WDPCP: variants seen among roughly 807,000 people sequenced by gnomAD.
WDPCP encodes WD repeat-containing and planar cell polarity effector protein fritz homolog.
WDPCP carries 71 observed loss-of-function variants against 93.1 expected under a neutral mutation model. The observed-to-expected ratio is 0.76, with a 90% CI of 0.63 to 0.93. The LOEUF (loss-of-function observed/expected upper bound fraction) is 0.93, where lower values mean the gene tolerates loss of function less well. Among genes scored for constraint, WDPCP ranks in the 40% least tolerant of loss-of-function variants. WDPCP has a pLI of 0.00. For synonymous variants in WDPCP, 315 were observed against 315.0 expected, an observed-to-expected ratio of 1.00 and a Z score of 0.00; for missense variants, 844 against 887.4, an observed-to-expected ratio of 0.95 and a Z score of 0.62.
intron 12 of WDPCP, among the ~76,000 whole-genome samples, chr2:63,316,939 T>C (rs1423191855): frequency 6.6e-6 from 1 of 152,096 alleles, no homozygotes; most frequent in Non-Finnish European, 1.5e-5. Flanking sequence ...TGCAATTCCA[T>C]TCACAATAGC....
chr2:63,754,518 G>C (rs1304480633), intron 2 of WDPCP, among the ~76,000 whole-genome samples: 1 of 152,222 alleles, frequency 6.6e-6, no homozygotes, highest in Non-Finnish European at 1.5e-5. Flanking sequence ...AGATGAATAA[G>C]ACTTGATGTA....
chr2:63,145,975 A>C (rs1276246147), intron 17 of WDPCP, among the ~76,000 whole-genome samples: 3 of 152,094 alleles, frequency 2.0e-5, no homozygotes, highest in African/African-American at 7.2e-5. Flanking sequence ...AACAATTGTG[A>C]ATGGGATTGT....
At chr2:63,259,884 G>T (rs1250440900) in intron 13 of WDPCP, among the ~76,000 whole-genome samples, 1 of 152,100 alleles carries the variant, frequency 6.6e-6, no homozygotes, top group Non-Finnish European at 1.5e-5. Context: ...TAATTGCTGG[G>T]CACTGTTTTG....
At position 63,727,246 on chromosome 2, in the gene WDPCP, T is replaced by C. The variant is rs531532482; in HGVS notation, n.309-76408A>G. On this transcript the variant is annotated intron_variant and non_coding_transcript_variant, in intron 2 of 4. Transcript: ENST00000467687. ...TTGATGCCTAGTTTGTTGAGGGTTT[T>C]TAACATAAAGGAATGTTGAATTTTA... 1.3e-4 allele frequency among the ~76,000 whole-genome samples: 20 copies of C among 152,334 alleles called. No homozygotes were observed. In the South Asian group the frequency reaches 3.9e-3, roughly 30 times the overall value.
At chr2:63,260,039 G>A (rs897596492) in intron 13 of WDPCP, among the ~76,000 whole-genome samples, 1 of 152,188 alleles carries the variant, frequency 6.6e-6, no homozygotes, top group Non-Finnish European at 1.5e-5. Context: ...AGCCAAAGAG[G>A]AGGAACTGAT....
At chr2:63,271,532 G>C (rs553610610) in intron 13 of WDPCP, among the ~76,000 whole-genome samples, 1 of 152,264 alleles carries the variant, frequency 6.6e-6, no homozygotes, top group East Asian at 1.9e-4. Context: ...ACACCATCTA[G>C]GGTCCTTGGG....
chr2:63,488,862 A>G (rs1438512031), intron 2 of WDPCP, among the ~76,000 whole-genome samples: 1 of 151,930 alleles, frequency 6.6e-6, no homozygotes, highest in African/African-American at 2.4e-5. Context: ...AGTCTGACCT[A>G]CTGCATCTGG....
At chr2:63,555,117 T>C (rs895762054) in intron 1 of WDPCP, among the ~76,000 whole-genome samples, 6 of 152,220 alleles carry the variant, frequency 3.9e-5, no homozygotes, top group Non-Finnish European at 8.8e-5. Flanking sequence ...GCGGCAGCCA[T>C]CATTGCAGCT....
chr2:63,788,585 A>T (rs1341996767), intron 2 of WDPCP, among the ~76,000 whole-genome samples: 1 of 152,222 alleles, frequency 6.6e-6, no homozygotes, highest in African/African-American at 2.4e-5. Flanking sequence ...TACTTGTATC[A>T]TTCATTATAA....
chr2:63,437,680 T>C (rs1697229643), intron 7 of WDPCP, 126 bp from the exon 8 acceptor site: 5 of 1,048,578 alleles, frequency 4.8e-6, no homozygotes, highest in Non-Finnish European at 6.8e-6. Context: ...CTCTTGAATA[T>C]CATTATAGCA....
chr2:63,177,919 A>T lies in WDPCP; in HGVS notation c.1916-3087T>A, dbSNP rs1673940692. ...TTCCTTACATCCTAGTTTGTTGAAC[A>T]TTTTTAGCATGAAAGAACATCAAAT... On this transcript the variant is annotated intron_variant, in intron 14 of 17. Transcript: ENST00000272321. Among the ~76,000 whole-genome samples the T allele has an allele frequency of 2.0e-5, 3 of 152,090 alleles. No individual in the cohort carries two copies. The South Asian group carries it at 6.2e-4, about 32-fold the overall frequency.
intron 2 of WDPCP, among the ~76,000 whole-genome samples, chr2:63,803,086 C>G (rs1670718312): frequency 6.6e-6 from 1 of 152,130 alleles, no homozygotes; most frequent in Non-Finnish European, 1.5e-5. Context: ...TATAGGTGAT[C>G]AGAGGAACAC....
intron 13 of WDPCP, among the ~76,000 whole-genome samples, chr2:63,268,308 G>C: frequency 6.6e-6 from 1 of 152,078 alleles, no homozygotes; most frequent in East Asian, 1.9e-4. Context: ...TGATGACAGA[G>C]GCTGGAGGTG....
intron 15 of WDPCP, among the ~76,000 whole-genome samples, chr2:63,162,223 G>T (rs928514058): frequency 6.6e-6 from 1 of 151,946 alleles, no homozygotes; most frequent in African/African-American, 2.4e-5. Context: ...TCAGAAAGAG[G>T]ACCATTTTTT....
chr2:63,417,910 C>T (rs1695551545), intron 9 of WDPCP, among the ~76,000 whole-genome samples: 2 of 151,576 alleles, frequency 1.3e-5, no homozygotes, highest in Admixed American at 1.3e-4. Flanking sequence ...TAAAATATGG[C>T]AATCAATAGA....
chr2:63,196,861 C>G (rs1004080726), intron 14 of WDPCP, among the ~76,000 whole-genome samples: 1 of 152,104 alleles, frequency 6.6e-6, no homozygotes, highest in Non-Finnish European at 1.5e-5. Context: ...AGAACCAGTG[C>G]CAGAAAACAA....
At chr2:63,562,003 A>G (rs1242791782) in intron 1 of WDPCP, among the ~76,000 whole-genome samples, 1 of 152,244 alleles carries the variant, frequency 6.6e-6, no homozygotes, top group Non-Finnish European at 1.5e-5. Context: ...CATTTGACCT[A>G]GCAATCTCAT....
At chr2:63,546,935 T>C (rs1705196238) in intron 1 of WDPCP, among the ~76,000 whole-genome samples, 2 of 151,768 alleles carry the variant, frequency 1.3e-5, no homozygotes, top group Admixed American at 1.3e-4. Context: ...AGACAAAAGA[T>C]TTCTGAGAAG....
At chr2:63,536,001 T>G (rs1281016247) in intron 1 of WDPCP, among the ~76,000 whole-genome samples, 1 of 150,870 alleles carries the variant, frequency 6.6e-6, no homozygotes, top group Non-Finnish European at 1.5e-5. Context: ...ACAAGGAATT[T>G]AAACAAATTT....
Sources: allele counts gnomAD v4.1 joint callset (sites outside exome capture counted in the v4.1 genomes callset), GRCh38; gene constraint gnomAD v4.1.1; transcripts MANE v1.5; gene names NCBI Gene and HGNC (gene_info 2026-07-23, HGNC 2026-07-21).